PLEKHA7: variants seen among roughly 807,000 people sequenced by gnomAD.
PLEKHA7 encodes pleckstrin homology domain-containing family A member 7.
PLEKHA7 carries 104 observed loss-of-function variants against 170.0 expected under a neutral mutation model. That is an observed-to-expected ratio of 0.61 (90% CI 0.52 to 0.72). The LOEUF (loss-of-function observed/expected upper bound fraction) is 0.72, where lower values mean the gene tolerates loss of function less well. Ranked by LOEUF, PLEKHA7 falls within the 30% of genes least tolerant of loss-of-function variation. The pLI, the probability that PLEKHA7 is intolerant of heterozygous loss-of-function variation, is 0.00. For missense variants in PLEKHA7, 1,615 were observed against 1,671.7 expected (o/e 0.97, Z 0.59); for synonymous variants, 648 against 660.8 (o/e 0.98, Z 0.30).
chr11:16,941,540 G>A (rs1263469427), intron 3 of PLEKHA7, among the ~76,000 whole-genome samples: 3 of 152,170 alleles, frequency 2.0e-5, no homozygotes, highest in African/African-American at 7.2e-5. Context: ...TAGAAGCAAT[G>A]GCAATAATAG....
rs1852905659 is a variant in PLEKHA7 at position 16,851,099 on chromosome 11, C to T, written c.696+92G>A. 3.2e-6 allele frequency: 3 copies of T among 946,544 alleles called. No individual in the cohort carries two copies. The East Asian group carries it at 8.3e-5, about 26-fold the overall frequency. The allele number at this position is 946,544 out of a possible 1,614,324, so 58.6% of individuals were successfully genotyped here. A position where few individuals can be genotyped will look rare whatever the true frequency, so the allele number is the denominator to read the frequency against. ...AATCTGAAACTCTCTAGCTTCTTCC[C>T]CCTCCCGACAAAAGCAACTGCTTTT... On this transcript the variant is annotated intron_variant, in intron 8 of 26. Coordinates refer to ENST00000531066, the MANE Select transcript of PLEKHA7 (RefSeq NM_001329630.2).
In PLEKHA7 at chr11:16,821,760, A is replaced by G. The variant is rs144638400; in HGVS notation, c.1343+4360T>C. Among the ~76,000 whole-genome samples, 1,099 of 152,360 alleles carry G rather than the reference A, an allele frequency of 7.2e-3. 10 individuals are homozygous for G. Among genetic ancestry groups the G allele is most frequent in the African/African-American group, 0.023 (977 of 41,578 alleles). ...GGGACTATAAGAGGCAGACCTTTTA[A>G]AATACAAGAGGATAATCAGAGACTG... On this transcript the variant is annotated intron_variant, in intron 10 of 26. Transcript: ENST00000531066.
intron 13 of PLEKHA7, 103 bp downstream of exon 13, chr11:16,813,010 G>A (rs1849484715): frequency 2.2e-6 from 2 of 903,068 alleles, no homozygotes; most frequent in African/African-American, 3.3e-5. Flanking sequence ...AATTCAGATT[G>A]GATAAGACCT....
At chr11:16,963,269 G>T (rs1862177078) in intron 3 of PLEKHA7, among the ~76,000 whole-genome samples, 1 of 152,080 alleles carries the variant, frequency 6.6e-6, no homozygotes, top group African/African-American at 2.4e-5. Flanking sequence ...ATTTTTAGAG[G>T]TATGTGTTCC....
chr11:16,868,989 C>T (rs763064813), intron 4 of PLEKHA7, among the ~76,000 whole-genome samples: 4 of 152,202 alleles, frequency 2.6e-5, no homozygotes, highest in South Asian at 2.1e-4. Flanking sequence ...AAGGTTCTGA[C>T]GGACTCTCCA....
At chr11:16,851,417 A>T in intron 7 of PLEKHA7, 126 bp from the exon 8 acceptor site, 1 of 515,752 alleles carries the variant, frequency 1.9e-6, no homozygotes, top group Non-Finnish European at 3.4e-6. Context: ...CCCACAACCC[A>T]CACACAGGCA....
At chr11:17,009,381 T>C (rs922936502) in intron 3 of PLEKHA7, among the ~76,000 whole-genome samples, 4 of 152,230 alleles carry the variant, frequency 2.6e-5, no homozygotes, top group Non-Finnish European at 5.9e-5. Context: ...CAAGATTCTA[T>C]GTCTGTAAAA....
chr11:16,797,986 G>A (rs1475388870), intron 17 of PLEKHA7, among the ~76,000 whole-genome samples: 4 of 152,166 alleles, frequency 2.6e-5, no homozygotes, highest in Non-Finnish European at 4.4e-5. Context: ...GGGAATTTTG[G>A]GGGAAATGAG....
chr11:16,786,376 C>T lies in PLEKHA7; in HGVS notation c.3369G>A (p.Glu1123=). ...LPGDLGSWKR[E]QDFDLQLLER... ...CCAGCAACTGCAGGTCAAAGTCCTG[C>T]TCACGCTTCCACTGGCAACAGAACA... The change falls in exon 24 of 27, where the codon GAG becomes GAA. Residue 1123 remains glutamate (E), a synonymous_variant. Transcript: ENST00000531066. 1 of 1,536,144 alleles carries T rather than the reference C, an allele frequency of 6.5e-7. No individual in the cohort carries two copies. The highest frequency in any genetic ancestry group is 1.2e-5 in the South Asian group (1 of 84,062).
intron 3 of PLEKHA7, among the ~76,000 whole-genome samples, chr11:16,907,402 C>A (rs531966458): frequency 1.5e-5 from 2 of 134,022 alleles, no homozygotes; most frequent in African/African-American, 2.8e-5. Context: ...GTCAGCCCCC[C>A]GCCCGGCCAG....
chr11:16,866,341 C>T (rs957078191), intron 4 of PLEKHA7, among the ~76,000 whole-genome samples: 1 of 150,760 alleles, frequency 6.6e-6, no homozygotes, highest in Non-Finnish European at 1.5e-5. Context: ...CCTGTAATCC[C>T]AGCACTTTGG....
chr11:16,800,014 T>C (rs1323696379), intron 17 of PLEKHA7, among the ~76,000 whole-genome samples: 1 of 152,030 alleles, frequency 6.6e-6, no homozygotes, highest in Non-Finnish European at 1.5e-5. Context: ...GTCTGGAGAG[T>C]CAACATACTC....
chr11:16,854,992 A>G lies in PLEKHA7; in HGVS notation c.419T>C (p.Ile140Thr). 6.2e-7 allele frequency: 1 copy of G among 1,613,592 alleles called. No homozygotes were observed. Among genetic ancestry groups the G allele is most frequent in the Non-Finnish European group, 8.5e-7 (1 of 1,179,570 alleles). ...STLEAKPGPK[I>T]IKSSSKVHSF... is the part of the protein sequence containing the mutation. ...GTGGACTTTACTGCTGGACTTTATGATCTATGAAAAAGCAGACTGAACTTT... is the reference window on the plus strand; with the variant it reads ...GTGGACTTTACTGCTGGACTTTATGGTCTATGAAAAAGCAGACTGAACTTT... The change falls in exon 6 of 27, where the codon ATC becomes ACC. Residue 140 changes from isoleucine to threonine, a missense_variant and splice_region_variant. By Grantham distance (89) the Ile-to-Thr change is moderately conservative. Coordinates refer to ENST00000531066, the MANE Select transcript of PLEKHA7 (RefSeq NM_001329630.2).
At chr11:16,867,087 G>A (rs1286621607) in intron 4 of PLEKHA7, among the ~76,000 whole-genome samples, 1 of 152,148 alleles carries the variant, frequency 6.6e-6, no homozygotes, top group Non-Finnish European at 1.5e-5. Context: ...GACACTTGGG[G>A]GTGGGGGGTG....
intron 3 of PLEKHA7, among the ~76,000 whole-genome samples, chr11:16,881,052 T>TACAGAGTTATTATACTCTGTAATAACATA (rs1269487528): frequency 6.6e-6 from 1 of 152,212 alleles, no homozygotes; most frequent in African/African-American, 2.4e-5. Context: ...TGTAATAACA[T>TACAGAGTTATTATACTCTGTAATAACATA]CAGGGAGGTG....
chr11:16,885,932 G>C (rs1856063064), intron 3 of PLEKHA7, among the ~76,000 whole-genome samples: 1 of 151,980 alleles, frequency 6.6e-6, no homozygotes, highest in Admixed American at 6.6e-5. Flanking sequence ...AGGAGGCAGA[G>C]GTTGCAGTGA....
intron 17 of PLEKHA7, among the ~76,000 whole-genome samples, chr11:16,799,971 G>C (rs1002258557): frequency 3.9e-5 from 6 of 152,188 alleles, no homozygotes; most frequent in African/African-American, 1.4e-4. Flanking sequence ...CCCTACTCCA[G>C]AATTTCCTTC....
At chr11:16,921,222 G>C (rs1221773483) in intron 3 of PLEKHA7, among the ~76,000 whole-genome samples, 2 of 150,836 alleles carry the variant, frequency 1.3e-5, no homozygotes, top group Non-Finnish European at 3.0e-5. Context: ...AGAAAGATGG[G>C]ACCTTGAAAA....
chr11:16,833,906 G>T (rs113637011), intron 9 of PLEKHA7, among the ~76,000 whole-genome samples: 1 of 151,984 alleles, frequency 6.6e-6, no homozygotes, highest in Non-Finnish European at 1.5e-5. Context: ...AAAAGTGGCC[G>T]GGCACGGTGG....
Sources: allele counts gnomAD v4.1 joint callset (sites outside exome capture counted in the v4.1 genomes callset), GRCh38; gene constraint gnomAD v4.1.1; transcripts MANE v1.5; gene names NCBI Gene and HGNC (gene_info 2026-07-23, HGNC 2026-07-21).